The following VPS13B variants were observed in gnomAD, a reference collection of about 807,000 sequenced individuals.
The protein encoded by VPS13B is intermembrane lipid transfer protein VPS13B.
VPS13B carries 285 observed loss-of-function variants against 426.4 expected under a neutral mutation model. The observed-to-expected ratio is 0.67, with a 90% CI of 0.61 to 0.74. The LOEUF is 0.74. Ranked by LOEUF, VPS13B falls within the 30% of genes least tolerant of loss-of-function variation. The probability of loss-of-function intolerance (pLI) is 0.00; values close to 1 mark genes in which losing one functional copy is unlikely to be tolerated. For synonymous variants in VPS13B, 1,676 were observed against 1,676.4 expected (o/e 1.00, Z 0.01); for missense variants, 4,537 against 4,782.6 (o/e 0.95, Z 1.51).
Position 99,042,764 on chromosome 8 carries a change from A to G in VPS13B, c.291+4198A>G, listed in dbSNP as rs565884255. On this transcript the variant is annotated intron_variant, in intron 3 of 61. Coordinates refer to ENST00000357162, the MANE Select transcript of VPS13B (RefSeq NM_152564.5). ...GGCCTCCCAAATTGCTGGAATTACA[A>G]TCAAGAGCCACTGATTTCCAGTATT... is the stretch of plus-strand genomic sequence containing the variant. Among the ~76,000 whole-genome samples the G allele has an allele frequency of 1.8e-4, 27 of 152,210 alleles. No homozygotes were observed. In the East Asian group the frequency reaches 3.7e-3, roughly 21 times the overall value.
At chr8:99,150,071 T>C (rs944054773) in intron 14 of VPS13B, among the ~76,000 whole-genome samples, 6 of 152,216 alleles carry the variant, frequency 3.9e-5, no homozygotes, top group African/African-American at 1.4e-4. Context: ...GAATTAACTA[T>C]ATGCATTAAC....
At chr8:99,516,927 TCA>T (rs1339938171) in intron 29 of VPS13B, among the ~76,000 whole-genome samples, 5 of 152,066 alleles carry the variant, frequency 3.3e-5, no homozygotes, top group African/African-American at 9.7e-5. Flanking sequence ...TCTGTGCTTG[TCA>T]CAGAGTAAGT....
chr8:99,669,784 A>T (rs1396882711), intron 35 of VPS13B, among the ~76,000 whole-genome samples: 1 of 152,026 alleles, frequency 6.6e-6, no homozygotes, highest in Non-Finnish European at 1.5e-5. Flanking sequence ...TTTTGATTTT[A>T]AGAATCTGTT....
intron 3 of VPS13B, among the ~76,000 whole-genome samples, chr8:99,063,911 T>C (rs1265750235): frequency 2.6e-5 from 4 of 152,170 alleles, no homozygotes. Flanking sequence ...TTGAGCAATA[T>C]TTTCTGTTCT....
At chr8:99,134,568 A>C in intron 8 of VPS13B, 64 bp from the exon 9 acceptor site, 1 of 1,304,616 alleles carries the variant, frequency 7.7e-7, no homozygotes, top group East Asian at 2.4e-5. Flanking sequence ...ATTAATCATC[A>C]TAATGACAAT....
intron 3 of VPS13B, among the ~76,000 whole-genome samples, chr8:99,071,055 G>A (rs1458953058): frequency 6.6e-6 from 1 of 152,116 alleles, no homozygotes; most frequent in African/African-American, 2.4e-5. Flanking sequence ...CTGTCTGAAA[G>A]GTCTCATATC....
chr8:99,366,072 C>A (rs1005286505), intron 19 of VPS13B, among the ~76,000 whole-genome samples: 1 of 151,850 alleles, frequency 6.6e-6, no homozygotes, highest in Non-Finnish European at 1.5e-5. Context: ...TATTCTGTCG[C>A]CATTGAATGA....
chr8:99,137,487 C>T (rs762415213), intron 12 of VPS13B, among the ~76,000 whole-genome samples: 7 of 148,852 alleles, frequency 4.7e-5, no homozygotes, highest in African/African-American at 1.5e-4. Flanking sequence ...ATGATTATAA[C>T]GTAGCATGTT....
intron 19 of VPS13B, among the ~76,000 whole-genome samples, chr8:99,298,623 T>C (rs1434065784): frequency 1.3e-5 from 2 of 152,232 alleles, no homozygotes; most frequent in Non-Finnish European, 2.9e-5. Flanking sequence ...TATTTTTTCC[T>C]AGAAGGTTTT....
chr8:99,508,907 TA>T (rs945407315), intron 28 of VPS13B, among the ~76,000 whole-genome samples: 55 of 148,366 alleles, frequency 3.7e-4, no homozygotes, highest in South Asian at 4.3e-4. Context: ...ATGCAGCAAT[TA>T]AAAAAAAAAC....
chr8:99,870,927 T>C (rs747452158), intron 60 of VPS13B, 40 bp downstream of exon 60: 2 of 1,590,066 alleles, frequency 1.3e-6, no homozygotes, highest in East Asian at 4.5e-5. Context: ...TACATCCATA[T>C]TGTATGTTAA....
At chr8:99,675,013 T>C (rs373370732) in intron 35 of VPS13B, among the ~76,000 whole-genome samples, 24 of 152,254 alleles carry the variant, frequency 1.6e-4, no homozygotes, top group African/African-American at 5.3e-4. Context: ...CTGCATTTGA[T>C]GGTATATTTT....
At chr8:99,560,605 G>T (rs928712493) in intron 31 of VPS13B, among the ~76,000 whole-genome samples, 2 of 152,166 alleles carry the variant, frequency 1.3e-5, no homozygotes, top group African/African-American at 4.8e-5. Context: ...TGTAAATTTG[G>T]ATGAAGAAGC....
At chr8:99,682,969 C>G (rs1338026183) in intron 35 of VPS13B, among the ~76,000 whole-genome samples, 3 of 152,118 alleles carry the variant, frequency 2.0e-5, no homozygotes, top group Non-Finnish European at 4.4e-5. Context: ...AAGATTTTCT[C>G]CTATGTTTTC....
At position 99,587,657 on chromosome 8, in the gene VPS13B, T is replaced by C. The variant is rs1338141820; in HGVS notation, c.5220+10024T>C. ...TCTATTCATATCCTTTGCCCACTTT[T>C]TGATGTGGTTGTTTGATTTTTTCTT... On this transcript the variant is annotated intron_variant, in intron 33 of 61. Transcript: ENST00000357162. 4.6e-5 allele frequency among the ~76,000 whole-genome samples: 7 copies of C among 151,788 alleles called. No individual in the cohort carries two copies. The East Asian group carries it at 1.2e-3, about 25-fold the overall frequency.
At chr8:99,258,281 CT>C (rs915580844) in intron 17 of VPS13B, among the ~76,000 whole-genome samples, 119 of 149,720 alleles carry the variant, frequency 7.9e-4, no homozygotes, top group African/African-American at 2.6e-3. Flanking sequence ...TGTTTTTTTT[CT>C]CAAGTTATTA....
chr8:99,014,456 A>G (rs547118858), intron 2 of VPS13B, among the ~76,000 whole-genome samples: 113 of 152,150 alleles, frequency 7.4e-4, no homozygotes, highest in African/African-American at 2.4e-3. Context: ...CAGTTTTGGT[A>G]TATTAGAATG....
intron 19 of VPS13B, among the ~76,000 whole-genome samples, chr8:99,309,024 A>G (rs983961182): frequency 3.3e-5 from 5 of 151,492 alleles, no homozygotes; most frequent in Non-Finnish European, 5.9e-5. Flanking sequence ...ATTTTGATGG[A>G]GTTGTTTGTT....
intron 35 of VPS13B, chr8:99,697,507 C>A (rs2130159320): frequency 2.7e-6 from 2 of 738,622 alleles, no homozygotes; most frequent in East Asian, 4.9e-5. Flanking sequence ...AGTCGCTCAC[C>A]AAAGAGAAGG....
Sources: allele counts gnomAD v4.1 joint callset (sites outside exome capture counted in the v4.1 genomes callset), GRCh38; gene constraint gnomAD v4.1.1; transcripts MANE v1.5; gene names NCBI Gene and HGNC (gene_info 2026-07-23, HGNC 2026-07-21).